ORC4: variants seen among roughly 807,000 people sequenced by gnomAD.
ORC4 encodes the protein origin recognition complex, subunit 4 homolog.
A neutral mutation model predicts 63.9 loss-of-function variants in ORC4; 55 were observed. That is an observed-to-expected ratio of 0.86 (90% CI 0.69 to 1.08). ORC4 has a LOEUF of 1.08. Among genes scored for constraint, ORC4 ranks in the 50% least tolerant of loss-of-function variants. ORC4 has a pLI of 0.00. For synonymous variants in ORC4, 150 were observed against 168.5 expected (o/e 0.89, Z 0.85); for missense variants, 511 against 504.4 (o/e 1.01, Z -0.13).
At chr2:147,964,875 TAAGAGA>T (rs1689809913) in intron 4 of ORC4, among the ~76,000 whole-genome samples, 1 of 152,160 alleles carries the variant, frequency 6.6e-6, no homozygotes, top group African/African-American at 2.4e-5. Flanking sequence ...GCAGATTTCT[TAAGAGA>T]AACCTGACAG....
chr2:147,962,926 A>G (rs971109972), intron 4 of ORC4, among the ~76,000 whole-genome samples: 1 of 152,114 alleles, frequency 6.6e-6, no homozygotes, highest in African/African-American at 2.4e-5. Flanking sequence ...GCCATGAGCC[A>G]TGACCTGTAC....
intron 4 of ORC4, among the ~76,000 whole-genome samples, chr2:147,971,481 T>C (rs2627019): frequency 0.63 from 96,101 of 151,436 alleles, 31,370 homozygotes; most frequent in African/African-American, 0.8. Context: ...CAAACATATA[T>C]AGATGAAAAA....
At chr2:147,969,345 C>G (rs560283572) in intron 4 of ORC4, among the ~76,000 whole-genome samples, 1 of 152,070 alleles carries the variant, frequency 6.6e-6, no homozygotes, top group Admixed American at 6.5e-5. Context: ...GCTAATTATT[C>G]TGATTTGATC....
chr2:147,971,297 G>GAATAATATTCTTTTAATATTATGA (rs1690194549), intron 4 of ORC4, among the ~76,000 whole-genome samples: 2 of 151,272 alleles, frequency 1.3e-5, no homozygotes, highest in South Asian at 2.1e-4. Flanking sequence ...AGTATGAAAA[G>GAATAATATTCTTTTAATATTATGA]AATAATATTC....
chr2:147,950,470 T>A (rs561587322), intron 8 of ORC4, among the ~76,000 whole-genome samples: 2 of 152,136 alleles, frequency 1.3e-5, no homozygotes, highest in East Asian at 3.9e-4. Context: ...GATACACAGA[T>A]AAAATTATAC....
intron 4 of ORC4, among the ~76,000 whole-genome samples, chr2:147,967,762 A>G (rs1689980935): frequency 6.6e-6 from 1 of 152,112 alleles, no homozygotes; most frequent in South Asian, 2.1e-4. Context: ...TCCTATCATA[A>G]CACTAATGAT....
At chr2:148,008,247 A>T (rs17225235) in intron 1 of ORC4, among the ~76,000 whole-genome samples, 520 of 152,358 alleles carry the variant, frequency 3.4e-3, no homozygotes, top group East Asian at 8.3e-3. Flanking sequence ...GTGCACAGAT[A>T]AATACAGAAT....
intron 5 of ORC4, 90 bp from the exon 6 acceptor site, chr2:147,958,473 G>T: frequency 1.1e-6 from 1 of 896,990 alleles, no homozygotes; most frequent in Non-Finnish European, 1.8e-6. Flanking sequence ...AATCTTCCCA[G>T]TCAAAGCCTG....
At chr2:147,946,885 T>C (rs1288463735) in intron 9 of ORC4, among the ~76,000 whole-genome samples, 1 of 152,174 alleles carries the variant, frequency 6.6e-6, no homozygotes, top group East Asian at 1.9e-4. Flanking sequence ...GGAGAATTGA[T>C]ATAGTCTTAA....
chr2:147,947,707 A>G (rs574862427), intron 9 of ORC4: 1 of 153,400 alleles, frequency 6.5e-6, no homozygotes, highest in Non-Finnish European at 1.4e-5. Flanking sequence ...ATCATTATTT[A>G]CTATTTATTA....
chr2:147,952,427 G>A lies in ORC4; in HGVS notation c.534C>T (p.Asp178=). 1 of 1,610,304 alleles carries A rather than the reference G, an allele frequency of 6.2e-7. No individual in the cohort carries two copies. The highest frequency in any genetic ancestry group is 8.5e-7 in the Non-Finnish European group (1 of 1,176,676). The change falls in exon 8 of 14, where the codon GAC becomes GAT. Residue 178 remains aspartate (D), a synonymous_variant. Coordinates refer to ENST00000392857, the MANE Select transcript of ORC4 (RefSeq NM_181741.4). ...KNQTLLYNLF[D]ISQSAQTPIA... is the part of the protein sequence containing the mutation. Reference sequence around the variant, plus strand: ...TTGGGGTCTGTGCAGACTGAGAAATGTCAAAAAGATTATAGAGAAGTGTTT... The same window carrying A: ...TTGGGGTCTGTGCAGACTGAGAAATATCAAAAAGATTATAGAGAAGTGTTT...
At chr2:147,980,366 C>A (rs752677269) in intron 1 of ORC4, among the ~76,000 whole-genome samples, 2 of 151,908 alleles carry the variant, frequency 1.3e-5, no homozygotes, top group African/African-American at 4.8e-5. Flanking sequence ...GTAGGTTATA[C>A]GCTAATACCA....
In ORC4 at chr2:147,991,698, C is replaced by T. The variant is rs149752472; in HGVS notation, c.-17-15723G>A. On this transcript the variant is annotated intron_variant, in intron 1 of 13. Coordinates refer to ENST00000392857, the MANE Select transcript of ORC4 (RefSeq NM_181741.4). The stretch of plus-strand genomic sequence containing the variant: ...ACAAAATTAGCCAGGTGTCGTGGTG[C>T]GTACCTGTAATCCCAGATACTCGGG... Among the ~76,000 whole-genome samples the T allele has an allele frequency of 7.9e-5, 12 of 152,088 alleles. 1 individual carries two copies. In the East Asian group the frequency reaches 1.6e-3, roughly 20 times the overall value.
intron 1 of ORC4, among the ~76,000 whole-genome samples, chr2:147,990,584 G>A (rs1255966553): frequency 3.3e-5 from 5 of 152,220 alleles, no homozygotes; most frequent in Non-Finnish European, 7.3e-5. Flanking sequence ...AGCCTCTGGT[G>A]AGATGTTTCC....
chr2:147,953,170 T>TAA (rs578262781), intron 7 of ORC4, among the ~76,000 whole-genome samples: 104 of 140,696 alleles, frequency 7.4e-4, no homozygotes, highest in African/African-American at 2.6e-3. Context: ...TCTCTGCTAT[T>TAA]AAAAAAAAAA....
chr2:147,991,600 G>A (rs1444886010), intron 1 of ORC4, among the ~76,000 whole-genome samples: 1 of 151,962 alleles, frequency 6.6e-6, no homozygotes, highest in African/African-American at 2.4e-5. Flanking sequence ...AGGCTGAGGC[G>A]GGTGGATCAC....
intron 2 of ORC4, among the ~76,000 whole-genome samples, chr2:147,975,556 A>ATTC (rs1268589347): frequency 6.6e-6 from 1 of 151,856 alleles, no homozygotes; most frequent in African/African-American, 2.4e-5. Flanking sequence ...AAAAGCTAGA[A>ATTC]TTCTGACTAC....
chr2:147,965,905 A>G (rs1330633060), intron 4 of ORC4, among the ~76,000 whole-genome samples: 1 of 152,118 alleles, frequency 6.6e-6, no homozygotes, highest in African/African-American at 2.4e-5. Context: ...AAAACTAGAT[A>G]TCGATAATAA....
intron 3 of ORC4, 134 bp from the exon 4 acceptor site, chr2:147,972,963 T>A (rs1178266397): frequency 1.6e-6 from 1 of 639,040 alleles, no homozygotes; most frequent in African/African-American, 1.8e-5. Flanking sequence ...TTGGCCTAGC[T>A]TCTGAATGGT....
Sources: gnomAD v4.1 joint callset for allele counts (sites outside exome capture counted in the v4.1 genomes callset) on GRCh38, gnomAD v4.1.1 for gene constraint, MANE v1.5 for transcripts, NCBI Gene and HGNC (gene_info 2026-07-23, HGNC 2026-07-21) for gene names.